ZC3H18: variants seen among roughly 807,000 people sequenced by gnomAD.
ZC3H18 encodes zinc finger CCCH-type containing 18, also known as zinc finger CCCH domain-containing protein 18.
In ZC3H18, 8 loss-of-function variants were observed where a neutral mutation model predicts 106.1. The observed-to-expected ratio is 0.08, with a 90% CI of 0.04 to 0.14. ZC3H18 has a LOEUF of 0.14. Among genes scored for constraint, ZC3H18 ranks in the 10% least tolerant of loss-of-function variants. The pLI, the probability that ZC3H18 is intolerant of heterozygous loss-of-function variation, is 1.00. For synonymous variants in ZC3H18, 635 were observed against 522.1 expected, an observed-to-expected ratio of 1.22 and a Z score of -2.95; for missense variants, 1,318 against 1,278.4, an observed-to-expected ratio of 1.03 and a Z score of -0.47.
chr16:88,626,761 A>G (rs1906336788), intron 13 of ZC3H18: 1 of 152,026 alleles, frequency 6.6e-6, no homozygotes, highest in African/African-American at 2.4e-5. Context: ...ATGTACCTGG[A>G]AGACGTGGTT....
rs1306810920 is a variant in ZC3H18 at position 88,577,565 on chromosome 16, G to A, written c.442G>A (p.Glu148Lys). Residue 148 changes from glutamate (E) to lysine (K), a missense_variant, in exon 2 of 18, where the codon GAG becomes AAG. Glu to Lys is a moderately conservative substitution (Grantham distance 56). Coordinates refer to ENST00000301011, the MANE Select transcript of ZC3H18 (RefSeq NM_144604.4). ...PAPAVQEDEA[E>K]KAGAEDDEEK... ...TCCCGCCGTCCAGGAGGACGAGGCTGAGAAAGCGGGGGCTGAGGATGATGA... is the reference window on the plus strand; with the variant it reads ...TCCCGCCGTCCAGGAGGACGAGGCTAAGAAAGCGGGGGCTGAGGATGATGA... 6.2e-7 allele frequency: 1 copy of A among 1,613,516 alleles called. No homozygotes were observed. Among genetic ancestry groups the A allele is most frequent in the African/African-American group, 1.3e-5 (1 of 74,922 alleles).
intron 1 of ZC3H18, chr16:88,571,786 C>T: frequency 1.6e-6 from 1 of 610,572 alleles, no homozygotes; most frequent in Non-Finnish European, 2.1e-6. Flanking sequence ...CACGCTTGGT[C>T]ACTTTGCACG....
chr16:88,598,703 T>C lies in ZC3H18; in HGVS notation c.921T>C (p.His307=). 4 of 1,611,534 alleles carry C rather than the reference T, an allele frequency of 2.5e-6. No homozygotes were observed. The highest frequency in any genetic ancestry group is 3.4e-6 in the Non-Finnish European group (4 of 1,178,706). ...TESAWERGLR[H]AKEVLKKATI... ...GTGCCTGGGAACGAGGACTCCGGCA[T>C]GCAAAGGAGGTAAACACAATTCAGC... Residue 307 remains histidine (H), a synonymous_variant, in exon 5 of 18, where the codon CAT becomes CAC. Coordinates refer to ENST00000301011, the MANE Select transcript of ZC3H18 (RefSeq NM_144604.4).
In ZC3H18 at chr16:88,627,851, T is replaced by C; in HGVS notation, c.2269+69T>C. 2 of 1,612,566 alleles carry C rather than the reference T, an allele frequency of 1.2e-6. No homozygotes were observed. The highest frequency in any genetic ancestry group is 1.7e-6 in the Non-Finnish European group (2 of 1,179,194). ...AGGAGGGCGGCATCAGCACAGACTT[T>C]GCCTGGCTGTTGGTGTGGCCATGGG... On this transcript the variant is annotated intron_variant, in intron 14 of 17. Coordinates refer to ENST00000301011, the MANE Select transcript of ZC3H18 (RefSeq NM_144604.4). This position sits in a 1 kb window ranked among gnomAD's most constrained non-coding sequence, Gnocchi z 4.5.
chr16:88,590,270 A>G (rs1915665960), intron 3 of ZC3H18, among the ~76,000 whole-genome samples: 1 of 152,142 alleles, frequency 6.6e-6, no homozygotes, highest in African/African-American at 2.4e-5. Context: ...TTTATCTCCG[A>G]CACGTTGTGA....
chr16:88,576,978 G>A (rs1404960007), intron 1 of ZC3H18, 132 bp from the exon 2 acceptor site: 1 of 831,760 alleles, frequency 1.2e-6, no homozygotes, highest in Non-Finnish European at 1.8e-6. Flanking sequence ...GCAGAGTGGA[G>A]TGTGGGATTT....
chr16:88,585,905 G>C (rs965722202), intron 2 of ZC3H18, among the ~76,000 whole-genome samples: 56 of 152,234 alleles, frequency 3.7e-4, no homozygotes, highest in African/African-American at 1.3e-3. Context: ...CTGTGTCAGG[G>C]ATGTCAGGTG....
rs117425045 is a variant in ZC3H18 at position 88,600,551 on chromosome 16, C to G, written c.1088+603C>G. On this transcript the variant is annotated intron_variant, in intron 6 of 17. Coordinates refer to ENST00000301011, the MANE Select transcript of ZC3H18 (RefSeq NM_144604.4). ...GCTTCAGCCTCCTGAGTAGCTGGAA[C>G]TACAGGTGTCTGCTACCACACCCAA... 4.6e-3 allele frequency among the ~76,000 whole-genome samples: 694 copies of G among 152,314 alleles called. 6 individuals are homozygous for G. The highest frequency in any genetic ancestry group is 0.032 in the East Asian group (165 of 5,182).
Position 88,611,396 on chromosome 16 carries a change from G to A in ZC3H18, c.1335G>A (p.Glu445=), listed in dbSNP as rs971392738. ...AGCGGGAGCGCGAGCGCGACAAGGAGCGGCAGCGGAGGAAGGAGGAGTGGG... is the reference window on the plus strand; with the variant it reads ...AGCGGGAGCGCGAGCGCGACAAGGAACGGCAGCGGAGGAAGGAGGAGTGGG... ...ERERERERDK[E]RQRRKEEWER... Residue 445 remains glutamate, a synonymous_variant, in exon 8 of 18, where the codon GAG becomes GAA. Coordinates refer to ENST00000301011, the MANE Select transcript of ZC3H18 (RefSeq NM_144604.4). 1.6e-6 allele frequency: 2 copies of A among 1,217,880 alleles called. No homozygotes were observed. Among genetic ancestry groups the A allele is most frequent in the Admixed American group, 2.0e-5 (1 of 50,566 alleles). 75.4% of individuals were successfully genotyped at this position (1,217,880 alleles called of 1,614,324 possible). A position where few individuals can be genotyped will look rare whatever the true frequency, so the allele number is the denominator to read the frequency against.
At chr16:88,624,268 G>A (rs1906153764) in intron 11 of ZC3H18, 6 of 719,708 alleles carry the variant, frequency 8.3e-6, no homozygotes, top group Non-Finnish European at 9.0e-6. Context: ...GCACTCCCTC[G>A]GGAACCCTGG....
At chr16:88,612,015 T>C (rs1905299892) in intron 8 of ZC3H18, among the ~76,000 whole-genome samples, 1 of 151,980 alleles carries the variant, frequency 6.6e-6, no homozygotes, top group South Asian at 2.1e-4. Context: ...GCAGCCAGCA[T>C]GCAGGGGAGG....
intron 16 of ZC3H18, among the ~76,000 whole-genome samples, chr16:88,629,222 C>G (rs1906512945): frequency 6.6e-6 from 1 of 152,294 alleles, no homozygotes; most frequent in African/African-American, 2.4e-5. Flanking sequence ...TGCCTGTAAT[C>G]CCAGCACTTT....
rs545378027 is a variant in ZC3H18, at chr16:88,610,108, T to G, written c.1206+1057T>G. 8.5e-5 allele frequency among the ~76,000 whole-genome samples: 13 copies of G among 152,308 alleles called. No individual in the cohort carries two copies. The East Asian group carries it at 2.5e-3, about 29-fold the overall frequency. ...TCACTGCTCTCATGGAAGACTGGTC[T>G]ATACTGAGATTTCCGCCCTGGAAAT... On this transcript the variant is annotated intron_variant, in intron 7 of 17. Coordinates refer to ENST00000301011, the MANE Select transcript of ZC3H18 (RefSeq NM_144604.4).
intron 16 of ZC3H18, 127 bp downstream of exon 16, chr16:88,628,981 A>G: frequency 2.4e-6 from 2 of 823,248 alleles, no homozygotes; most frequent in Non-Finnish European, 3.9e-6. Context: ...TGACTTGCAG[A>G]TGATGCCTGT....
chr16:88,586,426 C>G (rs940749459), intron 2 of ZC3H18, among the ~76,000 whole-genome samples, 174 bp from the exon 3 acceptor site: 24 of 152,296 alleles, frequency 1.6e-4, no homozygotes, highest in African/African-American at 5.5e-4. Context: ...CGGGCACGCT[C>G]TGATCATCCC....
At chr16:88,578,842 C>T (rs879791741) in intron 2 of ZC3H18, among the ~76,000 whole-genome samples, 1 of 152,188 alleles carries the variant, frequency 6.6e-6, no homozygotes, top group Non-Finnish European at 1.5e-5. Flanking sequence ...AGGCGCCCGC[C>T]ACCACTGGCT....
intron 2 of ZC3H18, among the ~76,000 whole-genome samples, chr16:88,584,001 T>C (rs923685017): frequency 6.6e-6 from 1 of 152,232 alleles, no homozygotes; most frequent in East Asian, 1.9e-4. Context: ...GTCCCTGTCT[T>C]GAGTTGTCTT....
At position 88,631,826 on chromosome 16, in the gene ZC3H18, A is replaced by C; in HGVS notation, c.*527A>C. 6.8e-6 allele frequency: 2 copies of C among 293,776 alleles called. No individual in the cohort carries two copies. The highest frequency in any genetic ancestry group is 1.3e-5 in the Non-Finnish European group (2 of 148,942). The allele number at this position is 293,776 out of a possible 1,614,324, so 18.2% of individuals were successfully genotyped here. On this transcript the variant is annotated 3_prime_UTR_variant, in exon 18 of 18. Transcript: ENST00000301011. Reference sequence around the variant, plus strand: ...ATATTTCCTGTCTTTTATTTTAAGCATCAAATTGTTTTAGTTGATTTAAAA... The same window carrying C: ...ATATTTCCTGTCTTTTATTTTAAGCCTCAAATTGTTTTAGTTGATTTAAAA...
chr16:88,622,696 G>T (rs1264255912), intron 9 of ZC3H18: 2 of 377,022 alleles, frequency 5.3e-6, no homozygotes, highest in East Asian at 1.1e-4. Context: ...GCACAGACCT[G>T]GGGCCCAGTG....
Sources: allele counts gnomAD v4.1 joint callset (sites outside exome capture counted in the v4.1 genomes callset), GRCh38; gene constraint gnomAD v4.1.1; non-coding constraint Gnocchi (gnomAD v3.1); transcripts MANE v1.5; gene names NCBI Gene and HGNC (gene_info 2026-07-23, HGNC 2026-07-21).